SART3: variants seen among roughly 807,000 people sequenced by gnomAD.
SART3 encodes spliceosome associated factor 3, U4/U6 recycling protein.
SART3 carries 44 observed loss-of-function variants against 122.3 expected under a neutral mutation model. That is an observed-to-expected ratio of 0.36 (90% CI 0.28 to 0.46). The LOEUF (loss-of-function observed/expected upper bound fraction) is 0.46. Ranked by LOEUF, SART3 falls within the 20% of genes least tolerant of loss-of-function variation. The probability of loss-of-function intolerance (pLI) is 1.00; values close to 1 mark genes in which losing one functional copy is unlikely to be tolerated. For missense variants in SART3, 1,101 were observed against 1,229.0 expected, an observed-to-expected ratio of 0.90 and a Z score of 1.56; for synonymous variants, 442 against 454.0, an observed-to-expected ratio of 0.97 and a Z score of 0.34.
intron 1 of SART3, among the ~76,000 whole-genome samples, chr12:108,552,238 G>A (rs1017388388): frequency 2.3e-4 from 35 of 152,108 alleles, no homozygotes; most frequent in Middle Eastern, 3.4e-3. Context: ...CCATAAGTTG[G>A]GATATAGGGT....
chr12:108,536,501 C>T lies in SART3; in HGVS notation c.1446+13G>A, dbSNP rs1330431914. ...TGATGGATGAAAGTGCTAGATGTGT[C>T]AAAAACATTTACCTCAATCCTAGCC... On this transcript the variant is annotated intron_variant, in intron 11 of 18. Coordinates refer to ENST00000546815, the MANE Select transcript of SART3 (RefSeq NM_014706.4). The T allele has an allele frequency of 6.2e-6, 10 of 1,613,690 alleles. No homozygotes were observed. Among genetic ancestry groups the T allele is most frequent in the Non-Finnish European group, 7.6e-6 (9 of 1,179,698 alleles).
In SART3 at chr12:108,560,832, CCCGGGCCCACCT is replaced by C; in HGVS notation, c.311_312+10del. On this transcript the variant is annotated splice_donor_variant and splice_donor_5th_base_variant and coding_sequence_variant and intron_variant, in exon 1 of 19. Transcript: ENST00000546815. LOFTEE classifies it high-confidence loss of function. ...GACTGGAAGATGCCCGCTGCCCACC[CCCGGGCCCACCT>C]GCTCCTCCAGTCTCTCAATCTCCAG... The C allele has an allele frequency of 6.3e-7, 1 of 1,578,810 alleles. No homozygotes were observed. The highest frequency in any genetic ancestry group is 8.6e-7 in the Non-Finnish European group (1 of 1,157,818).
chr12:108,523,818 G>T, intron 18 of SART3, 184 bp from the exon 19 acceptor site: 1 of 656,310 alleles, frequency 1.5e-6, no homozygotes, highest in Non-Finnish European at 2.6e-6. Flanking sequence ...AACAGACTTG[G>T]CCTTGTTCAG....
Position 108,531,477 on chromosome 12 carries a change from G to A in SART3, c.1670-197C>T, listed in dbSNP as rs141834203. 818 of 567,790 alleles carry A rather than the reference G, an allele frequency of 1.4e-3. 7 individuals carry two copies. Among genetic ancestry groups the A allele is most frequent in the African/African-American group, 0.014 (754 of 53,140 alleles). The allele number at this position is 567,790 out of a possible 1,614,324, so 35.2% of individuals were successfully genotyped here. A position where few individuals can be genotyped will look rare whatever the true frequency, so the allele number is the denominator to read the frequency against. ...GTTTAAAATGTCCCTCTCCTTTCAG[G>A]AGAGACTTGAAAACCAGAATATGAT... On this transcript the variant is annotated intron_variant, in intron 13 of 18. Transcript: ENST00000546815.
intron 15 of SART3, 100 bp downstream of exon 15, chr12:108,530,042 C>G (rs1593234750): frequency 7.3e-7 from 1 of 1,361,146 alleles, no homozygotes. Context: ...TAATGGGTAT[C>G]AAGCTGGTAA....
intron 17 of SART3, 137 bp from the exon 18 acceptor site, chr12:108,524,643 T>C: frequency 1.4e-6 from 1 of 738,300 alleles, no homozygotes; most frequent in Admixed American, 2.0e-5. Context: ...ACAGGTTACC[T>C]TCCCCACCAC....
At chr12:108,553,235 CAA>C (rs2030080364) in intron 1 of SART3, among the ~76,000 whole-genome samples, 1 of 151,998 alleles carries the variant, frequency 6.6e-6, no homozygotes, top group South Asian at 2.1e-4. Context: ...AATGTTAGGA[CAA>C]GAGAAAAATT....
chr12:108,538,868 C>T, intron 7 of SART3, 66 bp downstream of exon 7: 1 of 1,601,506 alleles, frequency 6.2e-7, no homozygotes, highest in Non-Finnish European at 8.5e-7. Context: ...ACTCCTGGCA[C>T]TCTTACTGAT....
intron 18 of SART3, 48 bp downstream of exon 18, chr12:108,524,268 G>C (rs995239726): frequency 1.3e-6 from 2 of 1,499,422 alleles, no homozygotes; most frequent in Non-Finnish European, 1.9e-6. Context: ...CCATGAACTG[G>C]TGCCAGCCAG....
In SART3 at chr12:108,538,101, T is replaced by C. The variant is rs772843943; in HGVS notation, c.1165A>G (p.Met389Val). 6.2e-7 allele frequency: 1 copy of C among 1,614,184 alleles called. No individual in the cohort carries two copies. Among genetic ancestry groups the C allele is most frequent in the South Asian group, 1.1e-5 (1 of 91,076 alleles). ...VALWSRYLLA[M>V]ERHGVDHQVI... ...TGATGATCAACTCCATGTCTCTCCA[T>C]GGCCAAGAGGTACCGACTCCATAAG... The change falls in exon 8 of 19, where the codon ATG (methionine) becomes GTG (valine). Residue 389 changes from methionine (M) to valine (V), a missense_variant. By Grantham distance (21) the Met-to-Val change is conservative (BLOSUM62 1). Transcript: ENST00000546815.
intron 2 of SART3, 128 bp from the exon 3 acceptor site, chr12:108,548,119 A>G: frequency 1.3e-6 from 1 of 781,628 alleles, no homozygotes; most frequent in Non-Finnish European, 2.2e-6. Context: ...CCAGAAATTC[A>G]CTTCTTAAAA....
intron 18 of SART3, chr12:108,523,846 C>T (rs576187852): frequency 1.6e-6 from 1 of 619,522 alleles, no homozygotes; most frequent in East Asian, 2.7e-5. Flanking sequence ...AAAGATCAAC[C>T]CTGAGCACCA....
chr12:108,522,748 G>A lies in SART3; in HGVS notation c.*709C>T, dbSNP rs1872183380. On this transcript the variant is annotated 3_prime_UTR_variant, in exon 19 of 19. Coordinates refer to ENST00000546815, the MANE Select transcript of SART3 (RefSeq NM_014706.4). ...AGAATTGAAGTTTGCATTTGACATG[G>A]TATTAAACAAAACCAAAGGGCTGAA... 1 of 152,848 alleles carries A rather than the reference G, an allele frequency of 6.5e-6. No homozygotes were observed. Among genetic ancestry groups the A allele is most frequent in the Non-Finnish European group, 1.5e-5 (1 of 68,534 alleles). The allele number at this position is 152,848 out of a possible 1,614,324, so 9.5% of individuals were successfully genotyped here.
At chr12:108,530,408 A>G in intron 14 of SART3, 98 bp from the exon 15 acceptor site, 2 of 1,360,056 alleles carry the variant, frequency 1.5e-6, no homozygotes, top group Non-Finnish European at 2.1e-6. Context: ...ATTCATTACT[A>G]ATGAAAAGCA....
chr12:108,523,876 A>G (rs1872247070), intron 18 of SART3: 3 of 600,838 alleles, frequency 5.0e-6, no homozygotes, highest in Non-Finnish European at 8.8e-6. Flanking sequence ...AGAGGGGATC[A>G]GTGTGACTAT....
Position 108,530,251 on chromosome 12 carries a change from T to G in SART3, c.1806A>C (p.Lys602Asn), listed in dbSNP as rs1386226278. 1.2e-6 allele frequency: 2 copies of G among 1,614,090 alleles called. No homozygotes were observed. The change falls in exon 15 of 19, where the codon AAA becomes AAC. Residue 602 changes from lysine to asparagine, a missense_variant. Lys to Asn is a moderately conservative substitution (Grantham distance 94). Around this residue, in one of 2 missense-constraint regions of SART3, gnomAD observed 885 missense variants for 1,080.1 expected, o/e 0.82. Coordinates refer to ENST00000546815, the MANE Select transcript of SART3 (RefSeq NM_014706.4). ...QQEEEKAEQR[K>N]RARAEKKALK... ...ACGCTTTCTTCTCAGCCCGAGCTCT[T>G]TTCCGTTGTTCAGCCTTTTCTTCTT...
chr12:108,551,318 C>G (rs957754199), intron 1 of SART3, among the ~76,000 whole-genome samples: 1 of 152,036 alleles, frequency 6.6e-6, no homozygotes, highest in Admixed American at 6.5e-5. Flanking sequence ...GTGTAGGAAC[C>G]AAAGAGCGCT....
intron 12 of SART3, among the ~76,000 whole-genome samples, chr12:108,533,827 A>T (rs1293441704): frequency 6.6e-6 from 1 of 152,238 alleles, no homozygotes; most frequent in Admixed American, 6.5e-5. Context: ...CAAGTAAAAG[A>T]TAAAATAGAC....
Position 108,538,020 on chromosome 12 carries a change from C to T in SART3, c.1201+45G>A, listed in dbSNP as rs375050502. 5 of 1,613,152 alleles carry T rather than the reference C, an allele frequency of 3.1e-6. No individual in the cohort carries two copies. In the African/African-American group the frequency reaches 6.7e-5, roughly 22 times the overall value. ...CTTTGTCACCGCTCTCTGTTTTTCACTTGGGACAAATAGCTTAGAAGTTCT... is the reference window on the plus strand; with the variant it reads ...CTTTGTCACCGCTCTCTGTTTTTCATTTGGGACAAATAGCTTAGAAGTTCT... On this transcript the variant is annotated intron_variant, in intron 8 of 18. Transcript: ENST00000546815.
Sources: gnomAD v4.1 joint callset for allele counts (sites outside exome capture counted in the v4.1 genomes callset) on GRCh38, gnomAD v4.1.1 for gene constraint, gnomAD v4.1.1 regional missense constraint, MANE v1.5 for transcripts, NCBI Gene and HGNC (gene_info 2026-07-23, HGNC 2026-07-21) for gene names.